Variants in ACKR3 observed in about 807,000 individuals in gnomAD.
ACKR3 encodes atypical chemokine receptor 3, also known as C-X-C chemokine receptor type 7.
A neutral mutation model predicts 22.4 loss-of-function variants in ACKR3; 6 were observed. That is an observed-to-expected ratio of 0.27 (90% CI 0.15 to 0.53). ACKR3 has a LOEUF of 0.53. Ranked by LOEUF, ACKR3 falls within the 20% of genes least tolerant of loss-of-function variation. The pLI is 0.96. For synonymous variants in ACKR3, 209 were observed against 205.2 expected (o/e 1.02, Z -0.16); for missense variants, 396 against 475.2 (o/e 0.83, Z 1.55).
In ACKR3 at chr2:236,580,777, C is replaced by T. The variant is rs149094897; in HGVS notation, c.312C>T (p.Leu104=). 1.3e-5 allele frequency: 21 copies of T among 1,614,222 alleles called. No homozygotes were observed. In the African/African-American group the frequency reaches 2.1e-4, roughly 16 times the overall value. The change falls in exon 2 of 2, where the codon CTC becomes CTT. Residue 104 remains leucine (L), a synonymous_variant. Coordinates refer to ENST00000272928, the MANE Select transcript of ACKR3 (RefSeq NM_020311.3). ...CCATCCCAGTCTGGGTGGTCAGTCT[C>T]GTGCAGCACAACCAGTGGCCCATGG... ...VLTIPVWVVS[L]VQHNQWPMGE...
the ACKR3 span, among the ~76,000 whole-genome samples, chr2:236,560,314 GCCTTT>G: frequency 7.9e-6 from 1 of 126,930 alleles, no homozygotes; most frequent in Admixed American, 7.6e-5. Context: ...AGCACTTGTT[GCCTTT>G]TTTTTTTTTT....
chr2:236,556,488 G>A, the ACKR3 span, among the ~76,000 whole-genome samples: 2 of 152,182 alleles, frequency 1.3e-5, no homozygotes, highest in African/African-American at 2.4e-5. Flanking sequence ...CAGGGGGCCA[G>A]TAGTAGGCAG....
At chr2:236,543,882 G>A in the ACKR3 span, among the ~76,000 whole-genome samples, 2 of 143,662 alleles carry the variant, frequency 1.4e-5, no homozygotes, top group Non-Finnish European at 3.0e-5. Context: ...GAATTGAATT[G>A]TGCTTGTTCA....
In ACKR3 at chr2:236,580,994, C is replaced by T. The variant is rs1283628826; in HGVS notation, c.529C>T (p.Leu177=). 4.3e-6 allele frequency: 7 copies of T among 1,614,178 alleles called. No individual in the cohort carries two copies. The highest frequency in any genetic ancestry group is 5.9e-6 in the Non-Finnish European group (7 of 1,180,036). Residue 177 remains leucine (L), a synonymous_variant, in exon 2 of 2, where the codon CTG becomes TTG. Transcript: ENST00000272928. ...LVWLLAFCVS[L]PDTYYLKTVT... ...GTGGCTGCTGGCCTTCTGCGTGTCT[C>T]TGCCTGACACCTACTACCTGAAGAC...
At chr2:236,561,812 C>A in the ACKR3 span, among the ~76,000 whole-genome samples, 1 of 152,182 alleles carries the variant, frequency 6.6e-6, no homozygotes, top group Admixed American at 6.5e-5. Flanking sequence ...CTTTTGTATA[C>A]TGAGTTTGTA....
chr2:236,559,747 A>C, the ACKR3 span, among the ~76,000 whole-genome samples: 13 of 152,028 alleles, frequency 8.6e-5, no homozygotes, highest in Non-Finnish European at 1.5e-4. Flanking sequence ...GTCTGTCCCC[A>C]CCTCTAGAGA....
At chr2:236,573,530 A>G (rs1691351090) in intron 1 of ACKR3, among the ~76,000 whole-genome samples, 1 of 152,334 alleles carries the variant, frequency 6.6e-6, no homozygotes, top group East Asian at 1.9e-4. Context: ...TTCTTCATGA[A>G]ATTCCCTTGT....
intron 1 of ACKR3, among the ~76,000 whole-genome samples, chr2:236,576,006 G>C (rs1021306378): frequency 2.0e-5 from 3 of 152,116 alleles, no homozygotes; most frequent in Admixed American, 6.6e-5. Context: ...CTTCCCCCTG[G>C]AATCTTTTAT....
chr2:236,540,800 C>G, the ACKR3 span, among the ~76,000 whole-genome samples: 4 of 152,188 alleles, frequency 2.6e-5, no homozygotes, highest in Admixed American at 2.0e-4. Flanking sequence ...ATTGATCAAT[C>G]ATGTATGTGT....
At chr2:236,547,020 T>C in the ACKR3 span, among the ~76,000 whole-genome samples, 1 of 152,236 alleles carries the variant, frequency 6.6e-6, no homozygotes, top group African/African-American at 2.4e-5. Flanking sequence ...TTCAGCAGCA[T>C]TGACTCTAGA....
At chr2:236,555,172 C>T in the ACKR3 span, among the ~76,000 whole-genome samples, 1 of 152,190 alleles carries the variant, frequency 6.6e-6, no homozygotes, top group Non-Finnish European at 1.5e-5. Context: ...ACCTGACAGC[C>T]CTTCAAATAC....
the ACKR3 span, among the ~76,000 whole-genome samples, chr2:236,545,086 T>TTA: frequency 6.6e-6 from 1 of 152,282 alleles, no homozygotes; most frequent in Middle Eastern, 3.4e-3. The surrounding 1 kb of genome is among the most constrained non-coding windows in gnomAD (Gnocchi z 5.3). Flanking sequence ...GCATGCTTGT[T>TTA]CACTATAGTC....
the ACKR3 span, among the ~76,000 whole-genome samples, chr2:236,547,857 C>A: frequency 6.7e-6 from 1 of 149,222 alleles, no homozygotes; most frequent in Non-Finnish European, 1.5e-5. Flanking sequence ...TTTTTTACAG[C>A]GTATCTGGGT....
At chr2:236,572,117 T>C (rs1691322771) in intron 1 of ACKR3, among the ~76,000 whole-genome samples, 1 of 152,102 alleles carries the variant, frequency 6.6e-6, no homozygotes, top group Non-Finnish European at 1.5e-5. Flanking sequence ...AATAGACAGA[T>C]CAGGACAGGG....
upstream of ACKR3, among the ~76,000 whole-genome samples, chr2:236,566,562 T>C (rs1574970014): frequency 6.6e-6 from 1 of 152,314 alleles, no homozygotes. Flanking sequence ...ATCCTTATCC[T>C]TAGGACTAGA....
chr2:236,565,651 T>C (rs1691163019), upstream of ACKR3, among the ~76,000 whole-genome samples: 1 of 152,224 alleles, frequency 6.6e-6, no homozygotes, highest in Non-Finnish European at 1.5e-5. Context: ...GAAGTTTGTA[T>C]TAAGTTTTTC....
upstream of ACKR3, among the ~76,000 whole-genome samples, chr2:236,565,129 C>T (rs1313664680): frequency 2.0e-5 from 3 of 151,886 alleles, no homozygotes; most frequent in East Asian, 3.9e-4. Flanking sequence ...AGGAGAGAAG[C>T]GGAAGAGAAA....
upstream of ACKR3, among the ~76,000 whole-genome samples, chr2:236,569,133 A>G (rs557871861): frequency 1.1e-4 from 16 of 152,370 alleles, no homozygotes; most frequent in African/African-American, 3.6e-4. Context: ...GACATTATCA[A>G]AAGGCATTTA....
At chr2:236,538,378 C>G in the ACKR3 span, among the ~76,000 whole-genome samples, 1 of 152,186 alleles carries the variant, frequency 6.6e-6, no homozygotes, top group African/African-American at 2.4e-5. Flanking sequence ...AAAACGTGGT[C>G]AAAAGGATCC....
Sources: gnomAD v4.1 joint callset for allele counts (sites outside exome capture counted in the v4.1 genomes callset) on GRCh38, gnomAD v4.1.1 for gene constraint, Gnocchi (gnomAD v3.1) non-coding constraint, MANE v1.5 for transcripts, NCBI Gene and HGNC (gene_info 2026-07-23, HGNC 2026-07-21) for gene names.